DCLK1: variants seen among roughly 807,000 people sequenced by gnomAD.
DCLK1 encodes doublecortin like kinase 1.
Under a neutral mutation model 86.2 loss-of-function variants are expected in DCLK1, and 16 were observed. The observed-to-expected ratio is 0.19, with a 90% confidence interval of 0.13 to 0.28. DCLK1 has a LOEUF of 0.28. Among genes scored for constraint, DCLK1 ranks in the 10% least tolerant of loss-of-function variants. The pLI is 1.00. For synonymous variants in DCLK1, 369 were observed against 370.5 expected (o/e 1.00, Z 0.05); for missense variants, 590 against 940.2 (o/e 0.63, Z 4.87).
chr13:36,056,739 G>A (rs1393984064), intron 3 of DCLK1, among the ~76,000 whole-genome samples: 1 of 150,234 alleles, frequency 6.7e-6, no homozygotes, highest in East Asian at 1.9e-4. Context: ...GCATGTGTGT[G>A]TATATAATAT....
intron 3 of DCLK1, among the ~76,000 whole-genome samples, chr13:36,004,001 AAAT>A (rs1256171645): frequency 2.0e-5 from 3 of 152,206 alleles, no homozygotes; most frequent in Admixed American, 2.0e-4. Context: ...GTTTGTTCTA[AAAT>A]AATAATAGTC....
intron 3 of DCLK1, among the ~76,000 whole-genome samples, chr13:35,972,898 C>T (rs921013920): frequency 6.6e-6 from 1 of 152,120 alleles, no homozygotes; most frequent in African/African-American, 2.4e-5. Flanking sequence ...TGCATCTCAC[C>T]AGTCACAAAA....
intron 6 of DCLK1, among the ~76,000 whole-genome samples, chr13:35,843,454 T>A (rs187403873): frequency 6.6e-6 from 1 of 152,182 alleles, no homozygotes. Context: ...GGAGAACATA[T>A]CACACTTTTT....
chr13:35,770,846 T>C lies in DCLK1; in HGVS notation c.*3689A>G, dbSNP rs184556801. The C allele has an allele frequency of 2.0e-5, 3 of 152,240 alleles. No individual in the cohort carries two copies. In the East Asian group the frequency reaches 5.8e-4, roughly 29 times the overall value. 9.4% of individuals were successfully genotyped at this position (152,240 alleles called of 1,614,324 possible). Reference sequence around the variant, plus strand: ...TTTTGTTGTTCTTTTCCTTGGAGAATGGGGAAGAAGTTGGAAAGAGAAGGA... The same window carrying C: ...TTTTGTTGTTCTTTTCCTTGGAGAACGGGGAAGAAGTTGGAAAGAGAAGGA... On this transcript the variant is annotated 3_prime_UTR_variant, in exon 17 of 17. Transcript: ENST00000360631.
intron 3 of DCLK1, among the ~76,000 whole-genome samples, chr13:36,074,489 A>C (rs1247735535): frequency 9.7e-4 from 38 of 39,224 alleles, no homozygotes; most frequent in South Asian, 1.7e-3. Context: ...AAAAAAAAAA[A>C]AAAAAAAAAA....
At chr13:35,975,903 G>C (rs1409151795) in intron 3 of DCLK1, among the ~76,000 whole-genome samples, 2 of 152,158 alleles carry the variant, frequency 1.3e-5, no homozygotes, top group African/African-American at 4.8e-5. Context: ...CTTCCACAAT[G>C]CACTACCAGC....
intron 1 of DCLK1, among the ~76,000 whole-genome samples, chr13:36,130,476 G>C (rs755506744): frequency 3.9e-5 from 6 of 152,144 alleles, no homozygotes; most frequent in Admixed American, 6.5e-5. Context: ...GGGGCATTGC[G>C]GGGCTGTGCG....
At chr13:35,947,319 C>G (rs758528052) in intron 4 of DCLK1, 39 bp downstream of exon 4, 17 of 1,577,038 alleles carry the variant, frequency 1.1e-5, no homozygotes, top group Non-Finnish European at 1.4e-5. Flanking sequence ...CGAAAGCTGC[C>G]TCAAATTTCC....
At chr13:36,102,113 T>G (rs538598547) in intron 3 of DCLK1, among the ~76,000 whole-genome samples, 1 of 152,218 alleles carries the variant, frequency 6.6e-6, no homozygotes, top group African/African-American at 2.4e-5. Context: ...TACAACTTAT[T>G]TCTGTTGTGT....
chr13:36,028,259 C>T (rs1191275355), intron 3 of DCLK1, among the ~76,000 whole-genome samples: 1 of 152,180 alleles, frequency 6.6e-6, no homozygotes. Context: ...TAAAATCCAA[C>T]TGCATAGTGG....
At chr13:35,866,275 T>C (rs1871781612) in intron 5 of DCLK1, among the ~76,000 whole-genome samples, 1 of 152,236 alleles carries the variant, frequency 6.6e-6, no homozygotes, top group South Asian at 2.1e-4. Flanking sequence ...CAGGTAAATA[T>C]AAGTTAACCA....
At chr13:35,791,258 A>G (rs1167231684) in intron 16 of DCLK1, among the ~76,000 whole-genome samples, 1 of 152,016 alleles carries the variant, frequency 6.6e-6, no homozygotes, top group African/African-American at 2.4e-5. Flanking sequence ...TTGAATCTGA[A>G]TTAAGTTGAT....
At chr13:35,885,485 G>C (rs1336030526) in intron 4 of DCLK1, among the ~76,000 whole-genome samples, 2 of 152,192 alleles carry the variant, frequency 1.3e-5, no homozygotes, top group Non-Finnish European at 2.9e-5. Flanking sequence ...CTGAAGCTCT[G>C]TGCTTATTTG....
rs190982271 is a variant in DCLK1 at position 35,850,562 on chromosome 13, G to T, written c.1035+3937C>A. 4.0e-5 allele frequency: 50 copies of T among 1,256,870 alleles called. No individual in the cohort carries two copies. In the African/African-American group the frequency reaches 6.8e-4, roughly 17 times the overall value. 77.9% of individuals were successfully genotyped at this position (1,256,870 alleles called of 1,614,324 possible). ...TCTCAATTTCAAGGTTGAACATCAC[G>T]AAAACAAAATGCATACATATTTACT... On this transcript the variant is annotated intron_variant, in intron 6 of 16. Coordinates refer to ENST00000360631, the MANE Select transcript of DCLK1 (RefSeq NM_001330071.2).
At chr13:36,130,855 G>T (rs1302054748) in intron 1 of DCLK1, among the ~76,000 whole-genome samples, 2 of 152,190 alleles carry the variant, frequency 1.3e-5, no homozygotes, top group Admixed American at 6.5e-5. Context: ...CCTGACTCCA[G>T]GTTTAAAGCC....
chr13:35,883,337 G>A (rs562455840), intron 4 of DCLK1, among the ~76,000 whole-genome samples: 25 of 152,252 alleles, frequency 1.6e-4, no homozygotes, highest in Admixed American at 1.4e-3. Flanking sequence ...TTCTCGCTCT[G>A]TTAGTTCCAG....
intron 3 of DCLK1, among the ~76,000 whole-genome samples, chr13:36,061,509 C>CCA (rs1883547154): frequency 6.6e-6 from 1 of 152,148 alleles, no homozygotes; most frequent in Non-Finnish European, 1.5e-5. Context: ...CCTCAATTCT[C>CCA]CACAAATTTC....
chr13:35,847,843 G>A, intron 6 of DCLK1: 1 of 985,174 alleles, frequency 1.0e-6, no homozygotes, highest in African/African-American at 1.7e-5. Flanking sequence ...GAGAGAACCT[G>A]ACACTTCTTA....
At chr13:35,808,120 A>G in intron 14 of DCLK1, 104 bp downstream of exon 14, 1 of 1,128,540 alleles carries the variant, frequency 8.9e-7, no homozygotes, top group Non-Finnish European at 1.3e-6. Context: ...GTGTACAGAA[A>G]TCATACTTAT....
Sources: gnomAD v4.1 joint callset for allele counts (sites outside exome capture counted in the v4.1 genomes callset) on GRCh38, gnomAD v4.1.1 for gene constraint, MANE v1.5 for transcripts, NCBI Gene and HGNC (gene_info 2026-07-23, HGNC 2026-07-21) for gene names.